The following EBF1 variants were observed in gnomAD, a reference collection of about 807,000 sequenced individuals.
EBF1 encodes transcription factor COE1.
EBF1 carries 10 observed loss-of-function variants against 68.4 expected under a neutral mutation model. The observed-to-expected ratio is 0.15, with a 90% CI of 0.09 to 0.25. The LOEUF (loss-of-function observed/expected upper bound fraction) is 0.25, where lower values mean the gene tolerates loss of function less well. Among genes scored for constraint, EBF1 ranks in the 10% least tolerant of loss-of-function variants. EBF1 has a pLI of 1.00. For synonymous variants in EBF1, 298 were observed against 299.8 expected (o/e 0.99, Z 0.06); for missense variants, 509 against 794.4 (o/e 0.64, Z 4.32).
intron 7 of EBF1, among the ~76,000 whole-genome samples, chr5:158,834,467 T>C (rs10067607): frequency 0.6 from 90,430 of 151,390 alleles, 27,145 homozygotes; most frequent in South Asian, 0.7. Flanking sequence ...TTACCCTAAC[T>C]ACAGCCTAGG....
At chr5:158,862,089 T>C (rs1418973881) in intron 6 of EBF1, among the ~76,000 whole-genome samples, 3 of 152,214 alleles carry the variant, frequency 2.0e-5, no homozygotes, top group Non-Finnish European at 4.4e-5. Flanking sequence ...TGATAAATAA[T>C]CCCTTGGTGA....
intron 6 of EBF1, among the ~76,000 whole-genome samples, chr5:158,902,204 C>T (rs191939878): frequency 3.4e-4 from 51 of 152,136 alleles, no homozygotes; most frequent in African/African-American, 1.1e-3. Context: ...TTACTGCTGT[C>T]GAGAAGGAGA....
chr5:158,778,925 C>A (rs911967592), intron 9 of EBF1, among the ~76,000 whole-genome samples: 4 of 152,118 alleles, frequency 2.6e-5, no homozygotes, highest in Admixed American at 6.6e-5. Context: ...GAAATTATTT[C>A]TCTTTTATTC....
At chr5:159,031,437 C>G (rs1257870033) in intron 6 of EBF1, among the ~76,000 whole-genome samples, 2 of 149,326 alleles carry the variant, frequency 1.3e-5, no homozygotes, top group Non-Finnish European at 3.0e-5. Flanking sequence ...TTCTTTAATG[C>G]CCAGCATATG....
At chr5:158,845,301 A>G (rs1791234738) in intron 6 of EBF1, among the ~76,000 whole-genome samples, 3 of 152,206 alleles carry the variant, frequency 2.0e-5, no homozygotes, top group Non-Finnish European at 4.4e-5. Context: ...TTAAAACATG[A>G]GAATAATAGT....
chr5:158,946,909 G>A (rs896810185), intron 6 of EBF1, among the ~76,000 whole-genome samples: 2 of 152,302 alleles, frequency 1.3e-5, no homozygotes, highest in African/African-American at 2.4e-5. Context: ...CTAGAGAGAC[G>A]GTCTGGCTAC....
At chr5:158,994,825 T>G (rs1761091539) in intron 6 of EBF1, among the ~76,000 whole-genome samples, 1 of 152,240 alleles carries the variant, frequency 6.6e-6, no homozygotes, top group Non-Finnish European at 1.5e-5. Flanking sequence ...CTTTTTGCAT[T>G]AGGCAAGAAT....
At chr5:158,979,354 A>C (rs182528766) in intron 6 of EBF1, among the ~76,000 whole-genome samples, 1 of 152,326 alleles carries the variant, frequency 6.6e-6, no homozygotes, top group East Asian at 1.9e-4. Flanking sequence ...TGAATTCCCA[A>C]ACTAAGCCCA....
chr5:158,928,943 CCTTA>C (rs1410637271), intron 6 of EBF1, among the ~76,000 whole-genome samples: 9 of 152,072 alleles, frequency 5.9e-5, no homozygotes, highest in African/African-American at 2.2e-4. Flanking sequence ...GACAGCTCAC[CCTTA>C]CTTTTTGTGT....
At chr5:158,873,092 A>C (rs1200135418) in intron 6 of EBF1, among the ~76,000 whole-genome samples, 2 of 143,284 alleles carry the variant, frequency 1.4e-5, no homozygotes, top group Non-Finnish European at 3.0e-5. Context: ...TTCATTAATG[A>C]TAGTCAATTT....
At chr5:158,705,125 G>C (rs1464794792) in intron 15 of EBF1, among the ~76,000 whole-genome samples, 1 of 152,112 alleles carries the variant, frequency 6.6e-6, no homozygotes, top group East Asian at 1.9e-4. Context: ...AGAACTACAG[G>C]CTGCACCACC....
chr5:159,020,038 G>A (rs180814146), intron 6 of EBF1, among the ~76,000 whole-genome samples: 1 of 152,068 alleles, frequency 6.6e-6, no homozygotes, highest in Non-Finnish European at 1.5e-5. Context: ...TAAGAATGAG[G>A]TGGATGGACA....
chr5:158,708,675 A>C (rs1271661926), intron 14 of EBF1, among the ~76,000 whole-genome samples: 1 of 152,214 alleles, frequency 6.6e-6, no homozygotes, highest in African/African-American at 2.4e-5. Context: ...AGAAGACTTC[A>C]TAGAAGAGGT....
At chr5:158,779,827 C>T (rs181415947) in intron 9 of EBF1, among the ~76,000 whole-genome samples, 1 of 152,250 alleles carries the variant, frequency 6.6e-6, no homozygotes, top group East Asian at 1.9e-4. Flanking sequence ...TGCAATAAAA[C>T]TACAGACTGA....
At chr5:158,953,737 C>A (rs1001895041) in intron 6 of EBF1, among the ~76,000 whole-genome samples, 1 of 152,092 alleles carries the variant, frequency 6.6e-6, no homozygotes, top group Non-Finnish European at 1.5e-5. Context: ...AGAGATTTTT[C>A]AAGCCAGTGG....
At chr5:158,721,419 A>G (rs1159865688) in intron 11 of EBF1, among the ~76,000 whole-genome samples, 1 of 152,144 alleles carries the variant, frequency 6.6e-6, no homozygotes, top group Non-Finnish European at 1.5e-5. Context: ...TTATTGCCAC[A>G]ATGGAAAAAA....
intron 10 of EBF1, among the ~76,000 whole-genome samples, chr5:158,759,043 C>G (rs1479719028): frequency 2.0e-5 from 3 of 152,172 alleles, no homozygotes; most frequent in African/African-American, 4.8e-5. Context: ...ACCAATAAAT[C>G]TTGAAAATTA....
intron 6 of EBF1, among the ~76,000 whole-genome samples, chr5:159,069,171 C>T (rs1777380646): frequency 1.3e-5 from 2 of 150,992 alleles, no homozygotes; most frequent in African/African-American, 4.9e-5. Flanking sequence ...AATAGGAGAA[C>T]ATAATTTGAG....
intron 6 of EBF1, among the ~76,000 whole-genome samples, chr5:158,874,433 G>T (rs1797432054): frequency 6.6e-6 from 1 of 152,206 alleles, no homozygotes; most frequent in Non-Finnish European, 1.5e-5. Flanking sequence ...CAGAGAAACT[G>T]TCACACAAGT....
Sources: gnomAD v4.1 joint callset for allele counts (sites outside exome capture counted in the v4.1 genomes callset) on GRCh38, gnomAD v4.1.1 for gene constraint, MANE v1.5 for transcripts, NCBI Gene and HGNC (gene_info 2026-07-23, HGNC 2026-07-21) for gene names.